The following FLT1 variants were observed in gnomAD, a reference collection of about 807,000 sequenced individuals.
FLT1 encodes the protein vascular endothelial growth factor receptor 1.
A neutral mutation model predicts 156.3 loss-of-function variants in FLT1; 49 were observed. The ratio of observed to expected loss-of-function variants is 0.31; its 90% CI spans 0.25 to 0.40. The LOEUF is 0.40. Among genes scored for constraint, FLT1 ranks in the 10% least tolerant of loss-of-function variants. FLT1 has a pLI of 1.00. For synonymous variants in FLT1, 594 were observed against 583.8 expected (o/e 1.02, Z -0.25); for missense variants, 1,322 against 1,637.2 (o/e 0.81, Z 3.32).
chr13:28,450,946 A>T (rs1431397493), intron 3 of FLT1, among the ~76,000 whole-genome samples: 1 of 152,196 alleles, frequency 6.6e-6, no homozygotes, highest in African/African-American at 2.4e-5. Flanking sequence ...ATCCACACTC[A>T]GTGGGAGAAA....
intron 1 of FLT1, among the ~76,000 whole-genome samples, chr13:28,486,964 G>T (rs1307011127): frequency 6.6e-6 from 1 of 152,208 alleles, no homozygotes; most frequent in Non-Finnish European, 1.5e-5. Context: ...GAACTTGTTA[G>T]AAAAGCAAAT....
chr13:28,405,043 A>G (rs1410226457), intron 11 of FLT1, among the ~76,000 whole-genome samples: 4 of 151,688 alleles, frequency 2.6e-5, no homozygotes, highest in African/African-American at 9.7e-5. Flanking sequence ...AAAAGAAAAG[A>G]AAAGAATCAC....
Position 28,327,503 on chromosome 13 carries a change from T to C in FLT1, c.2755A>G (p.Asn919Asp). Residue 919 changes from asparagine to aspartate, a missense_variant, in exon 20 of 30, where the codon AAC becomes GAC. By Grantham distance (23) the Asn-to-Asp change is conservative. Transcript: ENST00000282397. Reference protein sequence around the residue: ...VEYCKYGNLSNYLKSKRDLFF... With the variant: ...VEYCKYGNLSDYLKSKRDLFF... ...AAGTCACGTTTGCTCTTGAGGTAGTTGGAGAGATTTCCATATTTGCAGTAT... is the reference window on the plus strand; with the variant it reads ...AAGTCACGTTTGCTCTTGAGGTAGTCGGAGAGATTTCCATATTTGCAGTAT... 1 of 1,613,824 alleles carries C rather than the reference T, an allele frequency of 6.2e-7. No individual in the cohort carries two copies. The highest frequency in any genetic ancestry group is 8.5e-7 in the Non-Finnish European group (1 of 1,179,740).
intron 14 of FLT1, among the ~76,000 whole-genome samples, chr13:28,383,666 T>TA (rs1177470038): frequency 0.04 from 5,264 of 131,228 alleles, 165 homozygotes; most frequent in Admixed American, 0.1. Context: ...TGTCTCAATT[T>TA]AAAAAAAAAA....
At chr13:28,401,012 G>A (rs1435212950) in intron 11 of FLT1, among the ~76,000 whole-genome samples, 1 of 152,094 alleles carries the variant, frequency 6.6e-6, no homozygotes, top group Non-Finnish European at 1.5e-5. Flanking sequence ...GATCACCTGA[G>A]GTCAGGAGTT....
Position 28,322,632 on chromosome 13 carries a change from G to T in FLT1, c.2953+158C>A. 1 of 795,906 alleles carries T rather than the reference G, an allele frequency of 1.3e-6. No homozygotes were observed. Among genetic ancestry groups the T allele is most frequent in the Non-Finnish European group, 2.1e-6 (1 of 467,264 alleles). 49.3% of individuals were successfully genotyped at this position (795,906 alleles called of 1,614,324 possible). On this transcript the variant is annotated intron_variant, in intron 21 of 29. Coordinates refer to ENST00000282397, the MANE Select transcript of FLT1 (RefSeq NM_002019.4). This position sits in a 1 kb window ranked among gnomAD's most constrained non-coding sequence, Gnocchi z 4.3. ...GTTCCCTGTCAAAATTAGTAACTCT[G>T]TAAATTATCTTAATTCAAATCTTAT...
Position 28,467,827 on chromosome 13 carries a change from T to C in FLT1, c.65-210A>G, listed in dbSNP as rs553245891. 5.3e-5 allele frequency among the ~76,000 whole-genome samples: 8 copies of C among 152,312 alleles called. No homozygotes were observed. In the East Asian group the frequency reaches 1.2e-3, roughly 22 times the overall value. ...GCTCTACCCTTGCTCATAAATATTA[T>C]ATATCCTTTTATACCAAATGACCTA... is the stretch of plus-strand genomic sequence containing the variant. On this transcript the variant is annotated intron_variant, in intron 1 of 29. Transcript: ENST00000282397.
chr13:28,350,574 G>C (rs1372176970), intron 15 of FLT1, among the ~76,000 whole-genome samples: 1 of 152,132 alleles, frequency 6.6e-6, no homozygotes, highest in Non-Finnish European at 1.5e-5. Context: ...GTATGGCACT[G>C]TGTGGCATCA....
chr13:28,413,902 G>T (rs1345271224), intron 10 of FLT1, among the ~76,000 whole-genome samples: 3 of 152,216 alleles, frequency 2.0e-5, no homozygotes, highest in Non-Finnish European at 2.9e-5. Flanking sequence ...TTATGTAACT[G>T]TGGATGTCAA....
chr13:28,474,852 T>A (rs1390620855), intron 1 of FLT1, among the ~76,000 whole-genome samples: 1 of 152,210 alleles, frequency 6.6e-6, no homozygotes, highest in Non-Finnish European at 1.5e-5. Context: ...TCTCCTATAG[T>A]ATGTGAGATT....
rs372398343 is a variant in FLT1 at position 28,306,648 on chromosome 13, C to T, written c.3815+30G>A. The T allele has an allele frequency of 3.9e-5, 59 of 1,499,748 alleles. 1 individual carries two copies. In the African/African-American group the frequency reaches 5.1e-4, roughly 13 times the overall value. 92.9% of individuals were successfully genotyped at this position (1,499,748 alleles called of 1,614,324 possible). ...ATCTCCCCTCGTACCCCTCCATCAA[C>T]TGATCACAGAAAAGATACCCAATTC... On this transcript the variant is annotated intron_variant, in intron 29 of 29. Transcript: ENST00000282397.
At chr13:28,368,003 T>C (rs950710534) in intron 14 of FLT1, 3 of 212,600 alleles carry the variant, frequency 1.4e-5, no homozygotes, top group Non-Finnish European at 2.4e-5. Context: ...TTTGTACCTA[T>C]TATGTTTGTT....
chr13:28,398,295 G>C (rs1390365509), intron 11 of FLT1, among the ~76,000 whole-genome samples: 1 of 152,202 alleles, frequency 6.6e-6, no homozygotes, highest in Non-Finnish European at 1.5e-5. Context: ...TGTCCTTGCT[G>C]AAGTATAATG....
chr13:28,370,940 T>C (rs979262563), intron 14 of FLT1, among the ~76,000 whole-genome samples: 77 of 152,276 alleles, frequency 5.1e-4, no homozygotes, highest in Admixed American at 4.3e-3. Context: ...ATCAGTACTA[T>C]TGCACTCCAT....
chr13:28,330,415 T>C lies in FLT1; in HGVS notation c.2594-687A>G, dbSNP rs542880209. Among the ~76,000 whole-genome samples the C allele has an allele frequency of 4.6e-5, 7 of 152,014 alleles. No homozygotes were observed. The South Asian group carries it at 1.0e-3, about 23-fold the overall frequency. On this transcript the variant is annotated intron_variant, in intron 18 of 29. Coordinates refer to ENST00000282397, the MANE Select transcript of FLT1 (RefSeq NM_002019.4). ...AAATTTTAAATTATTTTTAGAAATA[T>C]AAAAATCAAATAATCTTTCTGTAAA...
At chr13:28,319,969 T>A (rs1320309003) in intron 23 of FLT1, among the ~76,000 whole-genome samples, 1 of 152,166 alleles carries the variant, frequency 6.6e-6, no homozygotes, top group Non-Finnish European at 1.5e-5. Flanking sequence ...AAAGACAAGA[T>A]TTCCAAAGTC....
chr13:28,336,746 T>A (rs1872132038), intron 17 of FLT1, among the ~76,000 whole-genome samples: 1 of 148,590 alleles, frequency 6.7e-6, no homozygotes, highest in African/African-American at 2.5e-5. Flanking sequence ...TTCTAACTTT[T>A]TTTTTTTTTT....
chr13:28,363,135 TCA>T (rs1230243149), intron 14 of FLT1, among the ~76,000 whole-genome samples: 1 of 152,238 alleles, frequency 6.6e-6, no homozygotes, highest in African/African-American at 2.4e-5. Context: ...CTGTTGATAC[TCA>T]CTTTATATGA....
At chr13:28,331,877 A>G (rs1423558378) in intron 18 of FLT1, among the ~76,000 whole-genome samples, 1 of 152,082 alleles carries the variant, frequency 6.6e-6, no homozygotes, top group Non-Finnish European at 1.5e-5. Context: ...ATAGGCATTT[A>G]TGAAGACACT....
Sources: gnomAD v4.1 joint callset for allele counts (sites outside exome capture counted in the v4.1 genomes callset) on GRCh38, gnomAD v4.1.1 for gene constraint, Gnocchi (gnomAD v3.1) non-coding constraint, MANE v1.5 for transcripts, NCBI Gene and HGNC (gene_info 2026-07-23, HGNC 2026-07-21) for gene names.